CDH11: variants seen among roughly 807,000 people sequenced by gnomAD.
CDH11 encodes cadherin 11.
A neutral mutation model predicts 67.8 loss-of-function variants in CDH11; 11 were observed. The ratio of observed to expected loss-of-function variants is 0.16; its 90% CI spans 0.10 to 0.27. CDH11 has a LOEUF of 0.27. CDH11 is among the 10% of genes least tolerant of loss of function. The probability of loss-of-function intolerance (pLI) is 1.00; values close to 1 mark genes in which losing one functional copy is unlikely to be tolerated. For synonymous variants in CDH11, 419 were observed against 400.0 expected (o/e 1.05, Z -0.57); for missense variants, 847 against 1,031.2 (o/e 0.82, Z 2.45).
chr16:65,028,007 A>C (rs1270665233), intron 2 of CDH11, among the ~76,000 whole-genome samples: 1 of 152,240 alleles, frequency 6.6e-6, no homozygotes, highest in Non-Finnish European at 1.5e-5. Flanking sequence ...AGAGGTCAGG[A>C]TATATTCAGG....
chr16:65,096,132 G>C (rs2074886447), intron 1 of CDH11, among the ~76,000 whole-genome samples: 1 of 152,060 alleles, frequency 6.6e-6, no homozygotes, highest in African/African-American at 2.4e-5. Flanking sequence ...GACCTATCTT[G>C]TACCTCTTAA....
At chr16:64,976,450 G>A (rs1278484009) in intron 8 of CDH11, among the ~76,000 whole-genome samples, 1 of 152,176 alleles carries the variant, frequency 6.6e-6, no homozygotes, top group Non-Finnish European at 1.5e-5. Context: ...GAAGTTAAGA[G>A]TTATGGTGAT....
At chr16:64,997,130 C>T (rs935095917) in intron 4 of CDH11, among the ~76,000 whole-genome samples, 2 of 151,602 alleles carry the variant, frequency 1.3e-5, no homozygotes, top group African/African-American at 2.4e-5. Flanking sequence ...AAACCCCGTC[C>T]GTAATAAAAA....
intron 2 of CDH11, among the ~76,000 whole-genome samples, chr16:65,028,132 C>T (rs1004248079): frequency 7.2e-5 from 11 of 152,194 alleles, no homozygotes; most frequent in Non-Finnish European, 1.2e-4. Context: ...TGTGGCGATG[C>T]TTTCCATATC....
At chr16:65,059,981 T>G (rs2074210370) in intron 1 of CDH11, among the ~76,000 whole-genome samples, 2 of 152,186 alleles carry the variant, frequency 1.3e-5, no homozygotes, top group Non-Finnish European at 2.9e-5. Context: ...CTTTCTCCTT[T>G]CAACATATTA....
At chr16:65,095,849 T>C (rs1174781001) in intron 1 of CDH11, among the ~76,000 whole-genome samples, 3 of 152,212 alleles carry the variant, frequency 2.0e-5, no homozygotes, top group Non-Finnish European at 4.4e-5. Context: ...TTAAAGGTGA[T>C]TAGGCCAAGG....
At chr16:65,088,297 C>T (rs563227129) in intron 1 of CDH11, among the ~76,000 whole-genome samples, 3 of 152,118 alleles carry the variant, frequency 2.0e-5, no homozygotes, top group African/African-American at 7.2e-5. Context: ...ATTTCCCACT[C>T]TAAGGTATTT....
At chr16:65,055,873 G>A (rs1292237981) in intron 1 of CDH11, among the ~76,000 whole-genome samples, 1 of 152,154 alleles carries the variant, frequency 6.6e-6, no homozygotes, top group African/African-American at 2.4e-5. Context: ...TCAGAGGTGG[G>A]GCCTATGGGA....
intron 1 of CDH11, among the ~76,000 whole-genome samples, chr16:65,082,663 T>G (rs1012645185): frequency 2.6e-5 from 4 of 152,216 alleles, no homozygotes; most frequent in African/African-American, 9.6e-5. Flanking sequence ...ATTCATTCAT[T>G]TATTCAAGGT....
intron 7 of CDH11, chr16:64,986,593 C>T (rs1333967478): frequency 4.0e-5 from 6 of 151,808 alleles, no homozygotes; most frequent in East Asian, 2.0e-4. Context: ...TATTAATTAA[C>T]GAAGTAAGTT....
rs369888999 is a variant in CDH11, at chr16:64,971,693, T to C, written c.1528A>G (p.Ile510Val). The C allele has an allele frequency of 6.9e-6, 11 of 1,603,994 alleles. No individual in the cohort carries two copies. In the African/African-American group the frequency reaches 1.2e-4, roughly 18 times the overall value. Residue 510 changes from isoleucine to valine, a missense_variant, in exon 11 of 13, where the codon ATT becomes GTT. By Grantham distance (29) the Ile-to-Val change is conservative. Coordinates refer to ENST00000268603, the MANE Select transcript of CDH11 (RefSeq NM_001797.4). ...DQTKPLSNQPIVTISADDKDD... is the reference protein window; with the variant it reads ...DQTKPLSNQPVVTISADDKDD... ...TTGTCATCTGCACTAATTGTAACAA[T>C]TGGCTGAAAGAGAAAGGTGGCCCAT... is the stretch of plus-strand genomic sequence containing the variant.
At chr16:64,973,634 C>T (rs2072074844) in intron 8 of CDH11, among the ~76,000 whole-genome samples, 1 of 152,032 alleles carries the variant, frequency 6.6e-6, no homozygotes, top group South Asian at 2.1e-4. Context: ...GGTGAAATCG[C>T]ATCTCTACTA....
chr16:64,989,187 G>C (rs1026073411), intron 6 of CDH11, among the ~76,000 whole-genome samples: 1 of 152,076 alleles, frequency 6.6e-6, no homozygotes, highest in African/African-American at 2.4e-5. Context: ...CTGAGAGTGG[G>C]TGTGTGGTTG....
intron 2 of CDH11, among the ~76,000 whole-genome samples, chr16:65,029,625 T>C (rs554291271): frequency 6.6e-6 from 1 of 152,348 alleles, no homozygotes; most frequent in South Asian, 2.1e-4. Flanking sequence ...TGCTAAAGAA[T>C]GTTGAATCAG....
intron 2 of CDH11, among the ~76,000 whole-genome samples, chr16:65,052,985 G>A (rs531520027): frequency 6.6e-6 from 1 of 152,250 alleles, no homozygotes; most frequent in South Asian, 2.1e-4. Flanking sequence ...TACTATTACA[G>A]GAATGTGGGA....
At chr16:65,009,769 C>T (rs1450480430) in intron 2 of CDH11, among the ~76,000 whole-genome samples, 2 of 152,098 alleles carry the variant, frequency 1.3e-5, no homozygotes, top group Admixed American at 6.5e-5. Context: ...ATGATGGGAG[C>T]ATATTGCTTG....
chr16:64,966,558 TA>T (rs1187957107), intron 11 of CDH11, among the ~76,000 whole-genome samples: 7 of 151,692 alleles, frequency 4.6e-5, no homozygotes, highest in Non-Finnish European at 8.8e-5. Context: ...AATCTAATCA[TA>T]AAAAATGTAG....
intron 11 of CDH11, among the ~76,000 whole-genome samples, chr16:64,967,598 A>G (rs1238982428): frequency 6.6e-6 from 1 of 152,236 alleles, no homozygotes; most frequent in Non-Finnish European, 1.5e-5. Flanking sequence ...AGGTAGAAAG[A>G]CAACTTGAAA....
At chr16:64,992,691 A>G (rs2072660262) in intron 5 of CDH11, among the ~76,000 whole-genome samples, 1 of 152,258 alleles carries the variant, frequency 6.6e-6, no homozygotes, top group South Asian at 2.1e-4. Context: ...TATAGTTGTT[A>G]TTGGGTCATC....
Sources: gnomAD v4.1 joint callset for allele counts (sites outside exome capture counted in the v4.1 genomes callset) on GRCh38, gnomAD v4.1.1 for gene constraint, MANE v1.5 for transcripts, NCBI Gene and HGNC (gene_info 2026-07-23, HGNC 2026-07-21) for gene names.